Variants in WNT16 observed in about 807,000 individuals in gnomAD.
WNT16 encodes Wnt family member 16, also known as protein Wnt-16.
In WNT16, 20 loss-of-function variants were observed where a neutral mutation model predicts 35.4. That is an observed-to-expected ratio of 0.56 (90% CI 0.40 to 0.82). The LOEUF (loss-of-function observed/expected upper bound fraction) is 0.82. Ranked by LOEUF, WNT16 falls within the 40% of genes least tolerant of loss-of-function variation. The probability of loss-of-function intolerance (pLI) is 0.00; values close to 1 mark genes in which losing one functional copy is unlikely to be tolerated. For synonymous variants in WNT16, 180 were observed against 179.2 expected (o/e 1.00, Z -0.03); for missense variants, 461 against 466.0 (o/e 0.99, Z 0.10).
intron 3 of WNT16, among the ~76,000 whole-genome samples, chr7:121,334,301 A>G (rs1793400553): frequency 6.6e-6 from 1 of 152,058 alleles, no homozygotes; most frequent in East Asian, 1.9e-4. Flanking sequence ...GTTATTTGGT[A>G]GGTACTATGC....
At chr7:121,332,541 T>A (rs1781516207) in intron 3 of WNT16, among the ~76,000 whole-genome samples, 1 of 152,164 alleles carries the variant, frequency 6.6e-6, no homozygotes, top group Non-Finnish European at 1.5e-5. Context: ...TTCCCCCAAT[T>A]TGAATTTTTA....
intron 2 of WNT16, 129 bp downstream of exon 2, chr7:121,329,946 G>T: frequency 7.2e-7 from 1 of 1,386,154 alleles, no homozygotes; most frequent in East Asian, 2.4e-5. Flanking sequence ...GCCCTTTAGT[G>T]CACGGGGATT....
intron 2 of WNT16, among the ~76,000 whole-genome samples, chr7:121,330,357 A>T (rs1793320661): frequency 6.6e-6 from 1 of 152,208 alleles, no homozygotes; most frequent in Admixed American, 6.5e-5. Flanking sequence ...GGCTAACCTG[A>T]GCAGGACCAC....
chr7:121,329,124 G>C lies in WNT16; in HGVS notation c.-169G>C. The stretch of plus-strand genomic sequence containing the variant: ...TCTCCTACAGCTCCCTGCAAACGAG[G>C]GGGAAGCTGCTGAGAGTCCCTATCA... On this transcript the variant is annotated 5_prime_UTR_variant, in exon 1 of 4. Coordinates refer to ENST00000222462, the MANE Select transcript of WNT16 (RefSeq NM_057168.2). 7.3e-7 allele frequency: 1 copy of C among 1,378,608 alleles called. No individual in the cohort carries two copies. 85.4% of individuals were successfully genotyped at this position (1,378,608 alleles called of 1,614,324 possible).
intron 3 of WNT16, among the ~76,000 whole-genome samples, chr7:121,337,258 A>C (rs1230978823): frequency 6.6e-6 from 1 of 152,252 alleles, no homozygotes; most frequent in East Asian, 1.9e-4. Context: ...ACTACTAAGA[A>C]ATATCAAGCA....
upstream of WNT16, chr7:121,325,418 G>A (rs1371402202): frequency 1.1e-5 from 17 of 1,569,938 alleles, no homozygotes; most frequent in Non-Finnish European, 1.5e-5. Context: ...AGGCACCCAT[G>A]CAGCTCACCA....
chr7:121,329,173 G>T lies in WNT16; in HGVS notation c.-120G>T. The T allele has an allele frequency of 7.0e-7, 1 of 1,431,582 alleles. No individual in the cohort carries two copies. The highest frequency in any genetic ancestry group is 9.1e-7 in the Non-Finnish European group (1 of 1,096,550). 88.7% of individuals were successfully genotyped at this position (1,431,582 alleles called of 1,614,324 possible). On this transcript the variant is annotated 5_prime_UTR_variant, in exon 1 of 4. It removes an upstream start codon present in the reference 5' UTR. Coordinates refer to ENST00000222462, the MANE Select transcript of WNT16 (RefSeq NM_057168.2). ...CACTGCTGGCCTTTTAATGTTGTAT[G>T]CAAGGAGGAAGAGGGCGAGGGATAA...
At chr7:121,334,977 A>G (rs1793417012) in intron 3 of WNT16, among the ~76,000 whole-genome samples, 1 of 152,130 alleles carries the variant, frequency 6.6e-6, no homozygotes, top group South Asian at 2.1e-4. Context: ...ACCTATTCCA[A>G]GAATATTTAT....
upstream of WNT16, among the ~76,000 whole-genome samples, chr7:121,326,523 T>A (rs1217752632): frequency 1.3e-5 from 2 of 152,182 alleles, no homozygotes; most frequent in African/African-American, 2.4e-5. Flanking sequence ...AAAGGCTTTA[T>A]CTGGATGCGT....
At chr7:121,335,250 T>G (rs1793422162) in intron 3 of WNT16, among the ~76,000 whole-genome samples, 2 of 152,116 alleles carry the variant, frequency 1.3e-5, no homozygotes, top group African/African-American at 4.8e-5. Flanking sequence ...ACTGCCACAT[T>G]ACCTCTGAGT....
At position 121,339,998 on chromosome 7, in the gene WNT16, T is replaced by C. The variant is rs1201787511; in HGVS notation, c.*653T>C. The C allele has an allele frequency of 6.6e-6, 1 of 152,298 alleles. No individual in the cohort carries two copies. The highest frequency in any genetic ancestry group is 6.5e-5 in the Admixed American group (1 of 15,286). 9.4% of individuals were successfully genotyped at this position (152,298 alleles called of 1,614,324 possible). ...GATGTTTAGTGACAAAGAATCAATA[T>C]GTAAAAAGTATAATGAATGATTTAG... On this transcript the variant is annotated 3_prime_UTR_variant, in exon 4 of 4. Coordinates refer to ENST00000222462, the MANE Select transcript of WNT16 (RefSeq NM_057168.2).
Position 121,335,995 on chromosome 7 carries a change from T to C in WNT16, c.634-2886T>C, listed in dbSNP as rs1271303765. ...TCTGTAGAATTAAACTTTGTGTGTG[T>C]GTGTGTGTGTGTGTGTGTGTGTGTG... On this transcript the variant is annotated intron_variant, in intron 3 of 3. Transcript: ENST00000222462. 7.2e-5 allele frequency among the ~76,000 whole-genome samples: 7 copies of C among 97,572 alleles called. No individual in the cohort carries two copies. In the East Asian group the frequency reaches 1.4e-3, roughly 19 times the overall value. 64.0% of individuals were successfully genotyped at this position (97,572 alleles called of 152,430 possible). A position where few individuals can be genotyped will look rare whatever the true frequency, so the allele number is the denominator to read the frequency against.
chr7:121,329,763 G>T lies in WNT16; in HGVS notation c.292G>T (p.Ala98Ser), dbSNP rs1343762328. Reference sequence around the variant, plus strand: ...ATGGAACTGCATGATCACCGCCGCCGCCACTACCGCCCCGATGGGCGCCAG... The same window carrying T: ...ATGGAACTGCATGATCACCGCCGCCTCCACTACCGCCCCGATGGGCGCCAG... Reference protein sequence around the residue: ...ERWNCMITAAATTAPMGASPL... With the variant: ...ERWNCMITAASTTAPMGASPL... Residue 98 changes from alanine (A) to serine (S), a missense_variant, in exon 2 of 4, where the codon GCC (alanine) becomes TCC (serine). Ala to Ser is a moderately conservative substitution (Grantham distance 99). Transcript: ENST00000222462. The T allele has an allele frequency of 1.7e-5, 28 of 1,609,044 alleles. No individual in the cohort carries two copies. Among genetic ancestry groups the T allele is most frequent in the Non-Finnish European group, 2.2e-5 (26 of 1,180,004 alleles).
In WNT16 at chr7:121,338,930, G is replaced by C. The variant is rs1184276826; in HGVS notation, c.683G>C (p.Gly228Ala). 4 of 1,614,096 alleles carry C rather than the reference G, an allele frequency of 2.5e-6. No homozygotes were observed. The highest frequency in any genetic ancestry group is 3.4e-6 in the Non-Finnish European group (4 of 1,180,012). ...SVDCRCHGVS[G>A]SCAVKTCWKT... The stretch of plus-strand genomic sequence containing the variant: ...GACTGCCGCTGCCACGGAGTTTCCG[G>C]CTCCTGTGCTGTGAAAACATGCTGG... The change falls in exon 4 of 4, where the codon GGC becomes GCC. Residue 228 changes from glycine to alanine, a missense_variant. Transcript: ENST00000222462.
In WNT16 at chr7:121,339,491, G is replaced by C. The variant is rs547703351; in HGVS notation, c.*146G>C. 1 of 660,798 alleles carries C rather than the reference G, an allele frequency of 1.5e-6. No homozygotes were observed. Among genetic ancestry groups the C allele is most frequent in the Non-Finnish European group, 2.5e-6 (1 of 399,694 alleles). The allele number at this position is 660,798 out of a possible 1,614,324, so 40.9% of individuals were successfully genotyped here. A position where few individuals can be genotyped will look rare whatever the true frequency, so the allele number is the denominator to read the frequency against. On this transcript the variant is annotated 3_prime_UTR_variant, in exon 4 of 4. Coordinates refer to ENST00000222462, the MANE Select transcript of WNT16 (RefSeq NM_057168.2). ...TTGGACCTGAGAGTTTCCCTTACCT[G>C]ATCGACATATTTTCCTTTATCTGAT... is the stretch of plus-strand genomic sequence containing the variant.
rs1793499239 is a variant in WNT16, at chr7:121,339,480, T to C, written c.*135T>C. 4.5e-6 allele frequency: 3 copies of C among 668,858 alleles called. No homozygotes were observed. In the Admixed American group the frequency reaches 9.2e-5, roughly 20 times the overall value. 41.4% of individuals were successfully genotyped at this position (668,858 alleles called of 1,614,324 possible). Reference sequence around the variant, plus strand: ...TCCCTAGAACCTTGGACCTGAGAGTTTCCCTTACCTGATCGACATATTTTC... The same window carrying C: ...TCCCTAGAACCTTGGACCTGAGAGTCTCCCTTACCTGATCGACATATTTTC... On this transcript the variant is annotated 3_prime_UTR_variant, in exon 4 of 4. Coordinates refer to ENST00000222462, the MANE Select transcript of WNT16 (RefSeq NM_057168.2).
In WNT16 at chr7:121,338,751, C is replaced by T. The variant is rs1427403869; in HGVS notation, c.634-130C>T. The T allele has an allele frequency of 1.7e-5, 14 of 804,072 alleles. No individual in the cohort carries two copies. In the East Asian group the frequency reaches 2.1e-4, roughly 12 times the overall value. The allele number at this position is 804,072 out of a possible 1,614,324, so 49.8% of individuals were successfully genotyped here. On this transcript the variant is annotated intron_variant, in intron 3 of 3. Coordinates refer to ENST00000222462, the MANE Select transcript of WNT16 (RefSeq NM_057168.2). The stretch of plus-strand genomic sequence containing the variant: ...CCTACGCAATTTTAAAGATTATTTA[C>T]GTTCAAAACCATCATTTTTATTCAA...
In WNT16 at chr7:121,338,968, T is replaced by C; in HGVS notation, c.721T>C (p.Ser241Pro). The C allele has an allele frequency of 6.2e-7, 1 of 1,614,170 alleles. No individual in the cohort carries two copies. The highest frequency in any genetic ancestry group is 8.5e-7 in the Non-Finnish European group (1 of 1,180,020). Residue 241 changes from serine (S) to proline (P), a missense_variant, in exon 4 of 4, where the codon TCT becomes CCT. Ser to Pro is a moderately conservative substitution (Grantham distance 74). Transcript: ENST00000222462. Reference protein sequence around the residue: ...AVKTCWKTMSSFEKIGHLLKD... With the variant: ...AVKTCWKTMSPFEKIGHLLKD... The stretch of plus-strand genomic sequence containing the variant: ...GAAAACATGCTGGAAAACCATGTCT[T>C]CTTTTGAAAAGATTGGCCATTTGTT...
chr7:121,331,232 G>C (rs1317948721), intron 2 of WNT16, among the ~76,000 whole-genome samples: 4 of 152,150 alleles, frequency 2.6e-5, no homozygotes, highest in Non-Finnish European at 4.4e-5. Flanking sequence ...AAAATGTTCA[G>C]CTTGTGTTCT....
Sources: allele counts gnomAD v4.1 joint callset (sites outside exome capture counted in the v4.1 genomes callset), GRCh38; gene constraint gnomAD v4.1.1; transcripts MANE v1.5; gene names NCBI Gene and HGNC (gene_info 2026-07-23, HGNC 2026-07-21).